The following KIAA1328 variants were observed in gnomAD, a reference collection of about 807,000 sequenced individuals.
The protein encoded by KIAA1328 is KIAA1328, also known as protein hinderin.
In KIAA1328, 52 loss-of-function variants were observed where a neutral mutation model predicts 68.1. The observed-to-expected ratio is 0.76, with a 90% CI of 0.61 to 0.96. The LOEUF (loss-of-function observed/expected upper bound fraction) is 0.96, where lower values mean the gene tolerates loss of function less well. Ranked by LOEUF, KIAA1328 falls within the 40% of genes least tolerant of loss-of-function variation. The pLI, the probability that KIAA1328 is intolerant of heterozygous loss-of-function variation, is 0.00. For synonymous variants in KIAA1328, 232 were observed against 239.4 expected (o/e 0.97, Z 0.28); for missense variants, 641 against 677.6 (o/e 0.95, Z 0.60).
intron 7 of KIAA1328, among the ~76,000 whole-genome samples, chr18:37,130,767 GAA>G (rs1390704583): frequency 1.3e-5 from 2 of 152,036 alleles, no homozygotes; most frequent in Non-Finnish European, 2.9e-5. Context: ...CCATGGATAA[GAA>G]AAAAAGAGTA....
chr18:36,836,103 AC>A (rs902417686), intron 3 of KIAA1328, among the ~76,000 whole-genome samples: 2 of 152,128 alleles, frequency 1.3e-5, no homozygotes, highest in Admixed American at 1.3e-4. Context: ...TTACTATCAG[AC>A]CTTTTATAGA....
intron 6 of KIAA1328, among the ~76,000 whole-genome samples, chr18:37,008,980 A>G (rs1163257138): frequency 1.3e-5 from 2 of 152,198 alleles, no homozygotes; most frequent in Non-Finnish European, 2.9e-5. Context: ...AAAAGATTAC[A>G]TAAACAGAAC....
rs562507182 is a variant in KIAA1328, at chr18:37,134,100, G to A, written c.1233-26100G>A. 8.6e-5 allele frequency among the ~76,000 whole-genome samples: 13 copies of A among 151,028 alleles called. No individual in the cohort carries two copies. The East Asian group carries it at 9.9e-4, about 11-fold the overall frequency. On this transcript the variant is annotated intron_variant, in intron 7 of 9. Coordinates refer to ENST00000280020, the MANE Select transcript of KIAA1328 (RefSeq NM_020776.3). ...ATGATCTCGGCTCTCTGCAATCTCC[G>A]CCTCCCAGATACAAGCGATTCTCCT...
chr18:36,933,594 G>C (rs2050391673), intron 5 of KIAA1328, among the ~76,000 whole-genome samples: 1 of 152,238 alleles, frequency 6.6e-6, no homozygotes, highest in African/African-American at 2.4e-5. Context: ...TGGCACTTCT[G>C]AGCTGCACAA....
At chr18:36,838,562 C>A (rs1324515317) in intron 3 of KIAA1328, among the ~76,000 whole-genome samples, 1 of 152,142 alleles carries the variant, frequency 6.6e-6, no homozygotes, top group African/African-American at 2.4e-5. Context: ...TAGTTTTATT[C>A]ATTCAGTGCT....
chr18:37,109,468 GTTATA>G (rs1278870763), intron 7 of KIAA1328, among the ~76,000 whole-genome samples: 6 of 152,146 alleles, frequency 3.9e-5, no homozygotes, highest in African/African-American at 1.2e-4. Context: ...AATCATATTT[GTTATA>G]TTAGTACATA....
At chr18:37,192,536 A>G (rs9953964) in intron 9 of KIAA1328, among the ~76,000 whole-genome samples, 42,217 of 151,974 alleles carry the variant, frequency 0.28, 9,451 homozygotes, top group African/African-American at 0.63. Context: ...CTTTCTCATG[A>G]TTTTGGTTTC....
At chr18:37,182,212 T>C (rs1255396417) in intron 9 of KIAA1328, among the ~76,000 whole-genome samples, 3 of 152,216 alleles carry the variant, frequency 2.0e-5, no homozygotes, top group Admixed American at 6.5e-5. Context: ...ACTTCAACTT[T>C]AAGAAATATT....
chr18:37,024,376 T>TATAG (rs1491577160), intron 6 of KIAA1328, among the ~76,000 whole-genome samples: 1 of 5,568 alleles, frequency 1.8e-4, no homozygotes, highest in Non-Finnish European at 0.062. Context: ...TACTTTATTT[T>TATAG]ATATATATAT....
At chr18:37,122,916 G>A (rs535248302) in intron 7 of KIAA1328, among the ~76,000 whole-genome samples, 3 of 152,240 alleles carry the variant, frequency 2.0e-5, no homozygotes, top group Non-Finnish European at 4.4e-5. Flanking sequence ...TAATGAATTT[G>A]TACTGCCTCT....
chr18:36,874,539 TTTTTC>T (rs760073712), intron 4 of KIAA1328, among the ~76,000 whole-genome samples: 15 of 152,228 alleles, frequency 9.9e-5, no homozygotes, highest in Non-Finnish European at 1.6e-4. Context: ...GTTGTTTGTT[TTTTTC>T]TTGTAAATTT....
intron 7 of KIAA1328, among the ~76,000 whole-genome samples, chr18:37,105,639 G>C (rs1225349832): frequency 6.6e-6 from 1 of 151,622 alleles, no homozygotes; most frequent in Non-Finnish European, 1.5e-5. Flanking sequence ...GAATTATAGT[G>C]TAAAGGCTGT....
chr18:37,067,658 T>G, intron 7 of KIAA1328, 113 bp downstream of exon 7: 3 of 1,138,694 alleles, frequency 2.6e-6, no homozygotes, highest in Non-Finnish European at 3.6e-6. Context: ...CCTCCCGAGT[T>G]CAAGCAGTTC....
At chr18:36,884,265 A>C (rs1423133909) in intron 4 of KIAA1328, among the ~76,000 whole-genome samples, 1 of 152,120 alleles carries the variant, frequency 6.6e-6, no homozygotes, top group African/African-American at 2.4e-5. Context: ...AGTTGTCTGA[A>C]TTCTCTGTAA....
At chr18:37,008,065 A>G (rs72890514) in intron 6 of KIAA1328, among the ~76,000 whole-genome samples, 20,723 of 152,198 alleles carry the variant, frequency 0.14, 1,759 homozygotes, top group Admixed American at 0.18. Flanking sequence ...TAGCATTCCA[A>G]AGAGTTTGGG....
chr18:37,038,815 A>G (rs2055132650), intron 6 of KIAA1328, among the ~76,000 whole-genome samples: 1 of 152,068 alleles, frequency 6.6e-6, no homozygotes, highest in African/African-American at 2.4e-5. Context: ...TTACCATTTC[A>G]CTATTAAGTA....
chr18:37,169,190 G>A (rs1234700806), intron 8 of KIAA1328, among the ~76,000 whole-genome samples: 2 of 148,302 alleles, frequency 1.3e-5, no homozygotes, highest in African/African-American at 5.0e-5. Context: ...TTTTGAGACA[G>A]AGTCTGGCAC....
At chr18:37,034,044 A>G (rs1321165334) in intron 6 of KIAA1328, among the ~76,000 whole-genome samples, 2 of 152,120 alleles carry the variant, frequency 1.3e-5, no homozygotes, top group East Asian at 3.8e-4. Flanking sequence ...GTTCCTTGTT[A>G]CTCCAAAATA....
chr18:36,926,373 C>G (rs2050116554), intron 5 of KIAA1328, among the ~76,000 whole-genome samples: 1 of 133,676 alleles, frequency 7.5e-6, no homozygotes, highest in South Asian at 2.8e-4. Flanking sequence ...CTTTCTCTAT[C>G]TCTCTCTCTC....
Sources: allele counts gnomAD v4.1 joint callset (sites outside exome capture counted in the v4.1 genomes callset), GRCh38; gene constraint gnomAD v4.1.1; transcripts MANE v1.5; gene names NCBI Gene and HGNC (gene_info 2026-07-23, HGNC 2026-07-21).